Variants in SDK1 observed in about 807,000 individuals in gnomAD.
SDK1 encodes protein sidekick-1.
A neutral mutation model predicts 245.5 loss-of-function variants in SDK1; 157 were observed. The ratio of observed to expected loss-of-function variants is 0.64; its 90% CI spans 0.56 to 0.73. SDK1 has a LOEUF of 0.73. Among genes scored for constraint, SDK1 ranks in the 30% least tolerant of loss-of-function variants. The probability of loss-of-function intolerance (pLI) is 0.00; values close to 1 mark genes in which losing one functional copy is unlikely to be tolerated. For missense variants in SDK1, 3,583 were observed against 3,002.3 expected (o/e 1.19, Z -4.52); for synonymous variants, 1,647 against 1,278.5 (o/e 1.29, Z -6.15).
At chr7:3,723,943 T>TAGAGAGAGAGAGAGAGAGAGAGAG (rs542853903) in intron 4 of SDK1, among the ~76,000 whole-genome samples, 1 of 89,696 alleles carries the variant, frequency 1.1e-5, no homozygotes, top group Non-Finnish European at 2.2e-5. Context: ...TATATATATA[T>TAGAGAGAGAGAGAGAGAGAGAGAG]AGAGAGAGAG....
chr7:3,788,310 C>T (rs1402923863), intron 4 of SDK1, among the ~76,000 whole-genome samples: 1 of 152,152 alleles, frequency 6.6e-6, no homozygotes, highest in Non-Finnish European at 1.5e-5. Flanking sequence ...CCTCCATCGC[C>T]CATAACAGGG....
At chr7:3,635,972 A>G (rs1393075129) in intron 2 of SDK1, among the ~76,000 whole-genome samples, 2 of 152,162 alleles carry the variant, frequency 1.3e-5, no homozygotes, top group Non-Finnish European at 2.9e-5. Flanking sequence ...AAAGCATCCA[A>G]TCCTCATGTC....
intron 14 of SDK1, among the ~76,000 whole-genome samples, chr7:3,998,314 G>T (rs1275385557): frequency 6.6e-6 from 1 of 152,254 alleles, no homozygotes; most frequent in Non-Finnish European, 1.5e-5. Flanking sequence ...GGCAGCGGCA[G>T]GCTGTCTAGA....
Position 4,199,546 on chromosome 7 carries a change from G to A in SDK1, c.5099-6333G>A, listed in dbSNP as rs914113400. 3.3e-5 allele frequency among the ~76,000 whole-genome samples: 5 copies of A among 152,142 alleles called. 1 individual carries two copies. The highest frequency in any genetic ancestry group is 3.8e-4 in the East Asian group (2 of 5,198). ...CTGTAGGACAAATATGTTTGTTATC[G>A]TGAGTCTGAAGCTCTCTGGCCTCAT... is the stretch of plus-strand genomic sequence containing the variant. On this transcript the variant is annotated intron_variant, in intron 35 of 44. Transcript: ENST00000404826.
chr7:3,380,195 CAG>C (rs565471681), intron 1 of SDK1, among the ~76,000 whole-genome samples: 94 of 152,112 alleles, frequency 6.2e-4, no homozygotes, highest in Non-Finnish European at 1.1e-3. Context: ...TATGTAAATG[CAG>C]AGTTTGTCAC....
At chr7:3,875,608 C>G (rs1299411750) in intron 5 of SDK1, among the ~76,000 whole-genome samples, 2 of 152,192 alleles carry the variant, frequency 1.3e-5, no homozygotes, top group South Asian at 2.1e-4. Context: ...TCTCTCAGCT[C>G]TATGGGTTCC....
intron 1 of SDK1, among the ~76,000 whole-genome samples, chr7:3,600,971 T>C (rs1781235966): frequency 6.6e-6 from 1 of 152,136 alleles, no homozygotes. Flanking sequence ...TCTGCCTCAA[T>C]TGATAGCTCA....
intron 32 of SDK1, among the ~76,000 whole-genome samples, chr7:4,170,879 C>A (rs1013738379): frequency 1.3e-5 from 2 of 152,148 alleles, no homozygotes; most frequent in Non-Finnish European, 2.9e-5. Context: ...CTGTGAGTGA[C>A]TGTTGCCGGC....
At chr7:3,880,654 C>T (rs910428458) in intron 5 of SDK1, among the ~76,000 whole-genome samples, 15 of 149,328 alleles carry the variant, frequency 1.0e-4, no homozygotes, top group African/African-American at 3.4e-4. Context: ...TGCTGCTGTA[C>T]CACTCCCTCC....
intron 1 of SDK1, among the ~76,000 whole-genome samples, chr7:3,394,306 T>C (rs974151366): frequency 2.0e-5 from 3 of 152,166 alleles, no homozygotes; most frequent in African/African-American, 7.2e-5. Context: ...ATCTATTCCC[T>C]AGTGTATTGC....
At chr7:3,702,376 T>C (rs1187037029) in intron 4 of SDK1, among the ~76,000 whole-genome samples, 1 of 152,230 alleles carries the variant, frequency 6.6e-6, no homozygotes, top group African/African-American at 2.4e-5. Context: ...AAAAAGCAAC[T>C]GTGTCTTTTT....
At chr7:3,584,770 C>T (rs1006795007) in intron 1 of SDK1, among the ~76,000 whole-genome samples, 1 of 151,098 alleles carries the variant, frequency 6.6e-6, no homozygotes, top group East Asian at 1.9e-4. Flanking sequence ...GTCCCCCAGG[C>T]TGGAGTGCAG....
rs1425267530 is a variant in SDK1, at chr7:4,002,988, C to G, written c.2132-7978C>G. On this transcript the variant is annotated intron_variant, in intron 14 of 44. Coordinates refer to ENST00000404826, the MANE Select transcript of SDK1 (RefSeq NM_152744.4). The stretch of plus-strand genomic sequence containing the variant: ...GTTTGCAGCTCATGGAGCCCTAGCC[C>G]TTTGCTACTGCTCCACCCCATGGGC... 6.6e-5 allele frequency among the ~76,000 whole-genome samples: 10 copies of G among 152,364 alleles called. No individual in the cohort carries two copies. In the East Asian group the frequency reaches 1.9e-3, roughly 29 times the overall value.
At chr7:3,977,939 C>T (rs982289623) in intron 13 of SDK1, among the ~76,000 whole-genome samples, 2 of 152,180 alleles carry the variant, frequency 1.3e-5, no homozygotes, top group African/African-American at 2.4e-5. Flanking sequence ...CCTACTCGTA[C>T]CTTGATGCTC....
At chr7:3,674,939 G>C (rs898109016) in intron 4 of SDK1, among the ~76,000 whole-genome samples, 5 of 152,160 alleles carry the variant, frequency 3.3e-5, no homozygotes, top group Non-Finnish European at 1.5e-5. Context: ...TATCCTTCCT[G>C]ACCCCTGTGG....
chr7:3,770,209 A>T (rs59268219), intron 4 of SDK1, among the ~76,000 whole-genome samples: 1,600 of 152,254 alleles, frequency 0.011, 26 homozygotes, highest in African/African-American at 0.037. Context: ...AAATGGAGTC[A>T]TACAATATGT....
At chr7:3,927,313 C>T (rs1442813286) in intron 5 of SDK1, among the ~76,000 whole-genome samples, 1 of 152,034 alleles carries the variant, frequency 6.6e-6, no homozygotes, top group African/African-American at 2.4e-5. Flanking sequence ...AAATGTTGGG[C>T]CCTTTAGTTT....
rs547679235 is a variant in SDK1 at position 3,774,951 on chromosome 7, G to C, written c.714-46499G>C. ...TTGCTTCTATGGTGGGTCCTCTGTGGAAGGTGCGTCTGCCGGGGACCTGTG... is the reference window on the plus strand; with the variant it reads ...TTGCTTCTATGGTGGGTCCTCTGTGCAAGGTGCGTCTGCCGGGGACCTGTG... On this transcript the variant is annotated intron_variant, in intron 4 of 44. Transcript: ENST00000404826. Among the ~76,000 whole-genome samples the C allele has an allele frequency of 1.1e-4, 17 of 152,274 alleles. No homozygotes were observed. The South Asian group carries it at 2.5e-3, about 22-fold the overall frequency.
At chr7:3,559,280 G>T (rs917342759) in intron 1 of SDK1, among the ~76,000 whole-genome samples, 1 of 152,154 alleles carries the variant, frequency 6.6e-6, no homozygotes. Context: ...CATCAACACA[G>T]TAAGCCTCAT....
Sources: gnomAD v4.1 joint callset for allele counts (sites outside exome capture counted in the v4.1 genomes callset) on GRCh38, gnomAD v4.1.1 for gene constraint, MANE v1.5 for transcripts, NCBI Gene and HGNC (gene_info 2026-07-23, HGNC 2026-07-21) for gene names.